CDH12: variants seen among roughly 807,000 people sequenced by gnomAD.
The protein encoded by CDH12 is cadherin-12.
Under a neutral mutation model 74.1 loss-of-function variants are expected in CDH12, and 41 were observed. That is an observed-to-expected ratio of 0.55 (90% CI 0.43 to 0.72). CDH12 has a LOEUF of 0.72. Among genes scored for constraint, CDH12 ranks in the 30% least tolerant of loss-of-function variants. The pLI is 0.00. For synonymous variants in CDH12, 399 were observed against 355.0 expected, an observed-to-expected ratio of 1.12 and a Z score of -1.39; for missense variants, 945 against 977.2, an observed-to-expected ratio of 0.97 and a Z score of 0.44.
intron 4 of CDH12, among the ~76,000 whole-genome samples, chr5:22,131,907 GC>G (rs1561143991): frequency 6.6e-6 from 1 of 152,060 alleles, no homozygotes; most frequent in African/African-American, 2.4e-5. Context: ...ACTGTAATGT[GC>G]CCCCTTTTTC....
chr5:22,651,865 AT>A (rs1739761446), intron 1 of CDH12, among the ~76,000 whole-genome samples: 1 of 152,076 alleles, frequency 6.6e-6, no homozygotes, highest in Admixed American at 6.6e-5. Flanking sequence ...TTAAAAAAAG[AT>A]TATAAAGGAG....
intron 1 of CDH12, among the ~76,000 whole-genome samples, chr5:22,700,097 G>A (rs1421985927): frequency 6.6e-6 from 1 of 151,950 alleles, no homozygotes; most frequent in African/African-American, 2.4e-5. Flanking sequence ...AACCCAGGAG[G>A]CAGAGGTTGC....
At chr5:22,581,754 A>T (rs1375961452) in intron 1 of CDH12, among the ~76,000 whole-genome samples, 1 of 152,180 alleles carries the variant, frequency 6.6e-6, no homozygotes, top group East Asian at 1.9e-4. Flanking sequence ...CTGGGCTCTT[A>T]ATCTGATAGG....
At chr5:21,997,965 T>A (rs1387016051) in intron 5 of CDH12, among the ~76,000 whole-genome samples, 2 of 152,100 alleles carry the variant, frequency 1.3e-5, no homozygotes, top group Non-Finnish European at 2.9e-5. Context: ...TGAGAATGTG[T>A]TTCCTTAGCA....
chr5:22,035,289 C>T (rs1337190387), intron 5 of CDH12, among the ~76,000 whole-genome samples: 1 of 151,764 alleles, frequency 6.6e-6, no homozygotes, highest in Non-Finnish European at 1.5e-5. Context: ...AGTAGAAAGG[C>T]TATGTTATTA....
chr5:21,821,946 T>C (rs1489280498), intron 8 of CDH12, among the ~76,000 whole-genome samples: 2 of 151,944 alleles, frequency 1.3e-5, no homozygotes, highest in South Asian at 2.1e-4. Flanking sequence ...CACAAAATTA[T>C]TTCACCTTAC....
chr5:22,659,607 C>T (rs1409036952), intron 1 of CDH12, among the ~76,000 whole-genome samples: 1 of 152,006 alleles, frequency 6.6e-6, no homozygotes, highest in Non-Finnish European at 1.5e-5. Flanking sequence ...TTGAATACCA[C>T]TTTATCACTT....
intron 4 of CDH12, among the ~76,000 whole-genome samples, chr5:22,175,996 C>T (rs1749314855): frequency 6.7e-6 from 1 of 148,578 alleles, no homozygotes. Flanking sequence ...CTGGTATCTC[C>T]TTCCCGGAAC....
chr5:22,671,030 TA>T (rs1740873220), intron 1 of CDH12, among the ~76,000 whole-genome samples: 1 of 151,708 alleles, frequency 6.6e-6, no homozygotes, highest in African/African-American at 2.4e-5. Context: ...TGTGTGCATA[TA>T]TATATATATA....
chr5:22,409,915 A>T (rs1038594586), intron 2 of CDH12, among the ~76,000 whole-genome samples: 2 of 152,112 alleles, frequency 1.3e-5, no homozygotes, highest in African/African-American at 2.4e-5. Flanking sequence ...GCTCGAAGAT[A>T]AATGCTTAGA....
chr5:22,278,832 T>A (rs1238940722), intron 3 of CDH12, among the ~76,000 whole-genome samples: 1 of 152,132 alleles, frequency 6.6e-6, no homozygotes. Flanking sequence ...GGAGGTCATT[T>A]TTTAAAGAGA....
chr5:22,740,997 A>G (rs1744999425), intron 1 of CDH12, among the ~76,000 whole-genome samples: 1 of 152,180 alleles, frequency 6.6e-6, no homozygotes, highest in African/African-American at 2.4e-5. Context: ...TGCCTTCTCT[A>G]TTCTAATTTG....
intron 6 of CDH12, among the ~76,000 whole-genome samples, chr5:21,921,114 C>A (rs1754331808): frequency 6.6e-6 from 1 of 152,110 alleles, no homozygotes; most frequent in Admixed American, 6.6e-5. Flanking sequence ...TTGATCAATG[C>A]ATTTGTTGAG....
chr5:21,802,040 T>A, intron 10 of CDH12, 127 bp downstream of exon 10: 1 of 792,222 alleles, frequency 1.3e-6, no homozygotes, highest in Non-Finnish European at 2.0e-6. Flanking sequence ...AGTCATTATG[T>A]TTTCAAGCAT....
chr5:22,075,775 C>T (rs775682629), intron 5 of CDH12, among the ~76,000 whole-genome samples: 1 of 151,940 alleles, frequency 6.6e-6, no homozygotes. Context: ...TTCTCCTAAC[C>T]CCCCAAGTTG....
chr5:22,415,463 A>G (rs1217655833), intron 2 of CDH12, among the ~76,000 whole-genome samples: 1 of 152,188 alleles, frequency 6.6e-6, no homozygotes, highest in Non-Finnish European at 1.5e-5. Context: ...GTTCAATGAG[A>G]TGTCAATGAA....
chr5:21,878,440 C>T lies in CDH12; in HGVS notation c.527-23650G>A, dbSNP rs191905913. ...TCATCTATAAAATGGGAGGTTTGAA[C>T]AATACTCACTAGTCACGGTGTTTCA... On this transcript the variant is annotated intron_variant, in intron 6 of 14. Transcript: ENST00000382254. Among the ~76,000 whole-genome samples, 194 of 152,076 alleles carry T rather than the reference C, an allele frequency of 1.3e-3. 1 individual carries two copies. The highest frequency in any genetic ancestry group is 2.2e-3 in the Admixed American group (34 of 15,262).
chr5:22,652,757 G>A (rs932205816), intron 1 of CDH12, among the ~76,000 whole-genome samples: 3 of 152,110 alleles, frequency 2.0e-5, no homozygotes, highest in Admixed American at 2.0e-4. Flanking sequence ...GTGTTTGCAA[G>A]AAATAATTAG....
chr5:22,184,914 G>A (rs1435856708), intron 4 of CDH12, among the ~76,000 whole-genome samples: 2 of 152,126 alleles, frequency 1.3e-5, no homozygotes, highest in Non-Finnish European at 2.9e-5. Flanking sequence ...GTAAACTTCT[G>A]TCATGGGGGT....
Sources: gnomAD v4.1 joint callset for allele counts (sites outside exome capture counted in the v4.1 genomes callset) on GRCh38, gnomAD v4.1.1 for gene constraint, MANE v1.5 for transcripts, NCBI Gene and HGNC (gene_info 2026-07-23, HGNC 2026-07-21) for gene names.